The following KCNU1 variants were observed in gnomAD, a reference collection of about 807,000 sequenced individuals.
The protein encoded by KCNU1 is potassium calcium-activated channel subfamily U member 1.
KCNU1 carries 93 observed loss-of-function variants against 126.8 expected under a neutral mutation model. The ratio of observed to expected loss-of-function variants is 0.73; its 90% CI spans 0.62 to 0.87. The LOEUF (loss-of-function observed/expected upper bound fraction) is 0.87, where lower values mean the gene tolerates loss of function less well. Ranked by LOEUF, KCNU1 falls within the 40% of genes least tolerant of loss-of-function variation. The pLI, the probability that KCNU1 is intolerant of heterozygous loss-of-function variation, is 0.00. For missense variants in KCNU1, 1,330 were observed against 1,367.1 expected (o/e 0.97, Z 0.43); for synonymous variants, 523 against 494.2 (o/e 1.06, Z -0.77).
chr8:36,793,497 T>A (rs1802979089), intron 2 of KCNU1, among the ~76,000 whole-genome samples: 2 of 151,974 alleles, frequency 1.3e-5, no homozygotes, highest in Non-Finnish European at 2.9e-5. Flanking sequence ...GACAATTCAA[T>A]CCAGAAAAAA....
intron 10 of KCNU1, among the ~76,000 whole-genome samples, chr8:36,819,485 T>C (rs1355846189): frequency 6.6e-6 from 1 of 152,212 alleles, no homozygotes; most frequent in East Asian, 1.9e-4. Flanking sequence ...CCATTAATTT[T>C]GTCCCATATG....
intron 19 of KCNU1, among the ~76,000 whole-genome samples, chr8:36,869,512 C>T (rs1324173581): frequency 6.6e-6 from 1 of 151,910 alleles, no homozygotes; most frequent in African/African-American, 2.4e-5. Flanking sequence ...ACCGTAAATG[C>T]TATTTTTTTC....
At chr8:36,803,019 C>T (rs1046378835) in intron 2 of KCNU1, among the ~76,000 whole-genome samples, 7 of 152,042 alleles carry the variant, frequency 4.6e-5, no homozygotes, top group South Asian at 4.1e-4. Context: ...CCCAGAGAGC[C>T]GCAGGGTGTG....
chr8:36,903,941 A>T (rs1563326398), intron 19 of KCNU1, among the ~76,000 whole-genome samples: 1 of 152,136 alleles, frequency 6.6e-6, no homozygotes, highest in Non-Finnish European at 1.5e-5. Context: ...GAGGGTAACC[A>T]TCCCCATTAT....
intron 19 of KCNU1, among the ~76,000 whole-genome samples, chr8:36,881,139 C>A (rs1040375828): frequency 6.6e-6 from 1 of 152,202 alleles, no homozygotes; most frequent in Non-Finnish European, 1.5e-5. Flanking sequence ...GACCGGGCAG[C>A]CACTAAACCT....
intron 19 of KCNU1, among the ~76,000 whole-genome samples, chr8:36,888,264 TAAGA>T (rs1013876111): frequency 1.3e-5 from 2 of 152,106 alleles, no homozygotes; most frequent in African/African-American, 4.8e-5. Flanking sequence ...GTAGAAATCC[TAAGA>T]AATAATCAAA....
At chr8:36,817,252 C>A (rs986799567) in intron 9 of KCNU1, among the ~76,000 whole-genome samples, 1 of 151,616 alleles carries the variant, frequency 6.6e-6, no homozygotes, top group African/African-American at 2.4e-5. Context: ...GTAATCCCAG[C>A]ATTTTGGGAG....
At chr8:36,870,184 A>C (rs1806051280) in intron 19 of KCNU1, among the ~76,000 whole-genome samples, 1 of 152,160 alleles carries the variant, frequency 6.6e-6, no homozygotes, top group African/African-American at 2.4e-5. Context: ...ATCCAGAAGG[A>C]CTGCCAGGAT....
At chr8:36,909,266 A>T in intron 20 of KCNU1, 45 bp from the exon 21 acceptor site, 1 of 1,256,110 alleles carries the variant, frequency 8.0e-7, no homozygotes, top group Non-Finnish European at 1.2e-6. Flanking sequence ...AGGGATTCTC[A>T]TCTTGCTTAT....
intron 19 of KCNU1, among the ~76,000 whole-genome samples, chr8:36,884,350 C>A (rs930462448): frequency 1.3e-5 from 2 of 152,174 alleles, no homozygotes; most frequent in African/African-American, 4.8e-5. Flanking sequence ...TAAATCACAT[C>A]ATAATGACCC....
At chr8:36,794,672 C>G (rs1052947258) in intron 2 of KCNU1, among the ~76,000 whole-genome samples, 1 of 152,066 alleles carries the variant, frequency 6.6e-6, no homozygotes, top group Admixed American at 6.6e-5. Context: ...CCTATAATCC[C>G]ATGACTTTGG....
rs186384245 is a variant in KCNU1, at chr8:36,833,958, T to C, written c.1212+299T>C. Among the ~76,000 whole-genome samples, 241 of 152,300 alleles carry C rather than the reference T, an allele frequency of 1.6e-3. 1 individual carries two copies. Among genetic ancestry groups the C allele is most frequent in the Middle Eastern group, 6.8e-3 (2 of 294 alleles). On this transcript the variant is annotated intron_variant, in intron 11 of 26. Coordinates refer to ENST00000399881, the MANE Select transcript of KCNU1 (RefSeq NM_001031836.3). ...CAGCCTAAGAGGTCTGAAAAAGGTA[T>C]GGATAGCAAGGTGTGTTTGATCTTA...
At chr8:36,910,520 A>C (rs1213758077) in intron 21 of KCNU1, among the ~76,000 whole-genome samples, 1 of 152,200 alleles carries the variant, frequency 6.6e-6, no homozygotes, top group Admixed American at 6.5e-5. Context: ...AGAGAGTATA[A>C]GTAGGGCCAG....
At chr8:36,811,393 C>T (rs1191238812) in intron 7 of KCNU1, among the ~76,000 whole-genome samples, 1 of 152,024 alleles carries the variant, frequency 6.6e-6, no homozygotes, top group African/African-American at 2.4e-5. Context: ...AGGGTCTATA[C>T]AGGGGGGAAC....
intron 18 of KCNU1, among the ~76,000 whole-genome samples, chr8:36,859,585 C>T (rs1203497484): frequency 6.6e-6 from 1 of 152,128 alleles, no homozygotes; most frequent in Non-Finnish European, 1.5e-5. Flanking sequence ...TGTCTATGGC[C>T]CTTTTCAACT....
intron 19 of KCNU1, among the ~76,000 whole-genome samples, chr8:36,898,691 A>G (rs1344875278): frequency 6.6e-6 from 1 of 152,140 alleles, no homozygotes; most frequent in Non-Finnish European, 1.5e-5. Flanking sequence ...CAATACACAA[A>G]GAAAACCTTA....
chr8:36,851,622 C>T (rs1042757918), intron 18 of KCNU1, among the ~76,000 whole-genome samples: 2 of 152,030 alleles, frequency 1.3e-5, no homozygotes, highest in African/African-American at 4.8e-5. Flanking sequence ...TACTTAGATC[C>T]TCTTTAATTT....
Position 36,787,444 on chromosome 8 carries a change from T to C in KCNU1, c.315+19T>C, listed in dbSNP as rs1436882488. The C allele has an allele frequency of 6.3e-7, 1 of 1,591,990 alleles. No homozygotes were observed. Among genetic ancestry groups the C allele is most frequent in the Admixed American group, 1.8e-5 (1 of 56,978 alleles). The stretch of plus-strand genomic sequence containing the variant: ...AGTGTTGGTAAGTACATTTTCAGTG[T>C]TAGCTTGCTAACAAACTTTAGCCAT... On this transcript the variant is annotated intron_variant, in intron 2 of 26. Transcript: ENST00000399881.
chr8:36,818,839 T>C (rs1020589191), intron 10 of KCNU1, among the ~76,000 whole-genome samples: 2 of 152,220 alleles, frequency 1.3e-5, no homozygotes, highest in South Asian at 2.1e-4. Flanking sequence ...AAGCACTCTA[T>C]GATGTTACTG....
Sources: gnomAD v4.1 joint callset for allele counts (sites outside exome capture counted in the v4.1 genomes callset) on GRCh38, gnomAD v4.1.1 for gene constraint, MANE v1.5 for transcripts, NCBI Gene and HGNC (gene_info 2026-07-23, HGNC 2026-07-21) for gene names.